The following ZNF423 variants were observed in gnomAD, a reference collection of about 807,000 sequenced individuals.
ZNF423 encodes the protein Ebf-associated zinc finger protein.
ZNF423 carries 12 observed loss-of-function variants against 95.8 expected under a neutral mutation model. That is an observed-to-expected ratio of 0.13 (90% CI 0.08 to 0.20). The LOEUF (loss-of-function observed/expected upper bound fraction) is 0.20. ZNF423 is among the 10% of genes least tolerant of loss of function. The pLI, the probability that ZNF423 is intolerant of heterozygous loss-of-function variation, is 1.00. For missense variants in ZNF423, 1,316 were observed against 1,737.1 expected (o/e 0.76, Z 4.31); for synonymous variants, 749 against 711.9 (o/e 1.05, Z -0.83).
intron 1 of ZNF423, among the ~76,000 whole-genome samples, chr16:49,806,506 C>T (rs2034665758): frequency 6.6e-6 from 1 of 152,216 alleles, no homozygotes; most frequent in Admixed American, 6.5e-5. Flanking sequence ...CCCTTAACAG[C>T]TTGTCCTCTG....
intron 5 of ZNF423, among the ~76,000 whole-genome samples, chr16:49,544,404 C>T (rs896963899): frequency 5.9e-5 from 9 of 152,148 alleles, no homozygotes; most frequent in Admixed American, 3.9e-4. Flanking sequence ...AAAACCCTCA[C>T]GTCTAATTAG....
intron 7 of ZNF423, among the ~76,000 whole-genome samples, chr16:49,516,642 A>C (rs1186869115): frequency 1.3e-5 from 2 of 152,354 alleles, no homozygotes; most frequent in East Asian, 3.9e-4. Context: ...ACTTCTACCG[A>C]CAGGGACCTC....
intron 1 of ZNF423, among the ~76,000 whole-genome samples, chr16:49,832,423 G>A (rs752278913): frequency 1.3e-5 from 2 of 152,192 alleles, no homozygotes; most frequent in African/African-American, 2.4e-5. Context: ...GTGTGACCTC[G>A]CAAAGCGACT....
intron 1 of ZNF423, among the ~76,000 whole-genome samples, chr16:49,810,079 T>C (rs886142325): frequency 2.0e-5 from 3 of 152,060 alleles, no homozygotes; most frequent in Non-Finnish European, 2.9e-5. Flanking sequence ...GAAGGCTTGG[T>C]CCACCCTTGG....
At chr16:49,811,541 G>C (rs1394404585) in intron 1 of ZNF423, among the ~76,000 whole-genome samples, 6 of 152,136 alleles carry the variant, frequency 3.9e-5, no homozygotes, top group Non-Finnish European at 8.8e-5. Flanking sequence ...TTTTAAGACA[G>C]GCTGACCAAA....
chr16:49,763,461 C>T (rs1220686187), intron 2 of ZNF423, among the ~76,000 whole-genome samples: 1 of 151,986 alleles, frequency 6.6e-6, no homozygotes, highest in Non-Finnish European at 1.5e-5. Flanking sequence ...TTTTTCTAGA[C>T]ATGGGGTTTT....
At chr16:49,677,243 GAAGAT>G (rs1257003004) in intron 3 of ZNF423, among the ~76,000 whole-genome samples, 1,749 of 18,970 alleles carry the variant, frequency 0.092, 747 homozygotes, top group South Asian at 0.17. Context: ...GAAGAGAAGA[GAAGAT>G]AAGAGAAGAG....
intron 3 of ZNF423, among the ~76,000 whole-genome samples, chr16:49,712,073 C>T (rs1391287421): frequency 6.6e-6 from 1 of 152,188 alleles, no homozygotes; most frequent in Non-Finnish European, 1.5e-5. Context: ...GCTATGTTCA[C>T]ACCACTGTAC....
chr16:49,584,619 GCTA>G (rs1372246341), intron 5 of ZNF423, among the ~76,000 whole-genome samples: 6 of 152,112 alleles, frequency 3.9e-5, no homozygotes, highest in Non-Finnish European at 7.4e-5. Flanking sequence ...TGTCAACAGA[GCTA>G]GCTTCCTCTG....
Position 49,638,822 on chromosome 16 carries a change from C to G in ZNF423, c.354G>C (p.Lys118Asn). ...LSWVASSPSS[K>N]DVASPTQMIG... Reference sequence around the variant, plus strand: ...TCATCTGCGTGGGTGACGCAACATCCTTGCTGGAGGGAGACGAGGCCACCC... The same window carrying G: ...TCATCTGCGTGGGTGACGCAACATCGTTGCTGGAGGGAGACGAGGCCACCC... Residue 118 changes from lysine to asparagine, a missense_variant, in exon 4 of 8, where the codon AAG becomes AAC. Lys to Asn is a moderately conservative substitution (Grantham distance 94). Around this residue, in one of 6 missense-constraint regions of ZNF423, gnomAD observed 155 missense variants for 170.8 expected, o/e 0.91. Coordinates refer to ENST00000563137, the MANE Select transcript of ZNF423 (RefSeq NM_001379286.1). This position sits in a 1 kb window ranked among gnomAD's most constrained non-coding sequence, Gnocchi z 5.6. 2 of 1,613,664 alleles carry G rather than the reference C, an allele frequency of 1.2e-6. No individual in the cohort carries two copies. Among genetic ancestry groups the G allele is most frequent in the Non-Finnish European group, 1.7e-6 (2 of 1,179,698 alleles).
rs866183498 is a variant in ZNF423 at position 49,805,632 on chromosome 16, C to A, written c.41-16086G>T. ...GCCAGGCAGGTAAGGGTTGAAATGA[C>A]TCCTTTTTTCTGAACCCTCCAGTGA... On this transcript the variant is annotated intron_variant, in intron 1 of 7. Transcript: ENST00000563137. Among the ~76,000 whole-genome samples the A allele has an allele frequency of 2.6e-5, 4 of 152,274 alleles. No individual in the cohort carries two copies. The South Asian group carries it at 8.3e-4, about 32-fold the overall frequency.
At chr16:49,707,396 C>G (rs1008198419) in intron 3 of ZNF423, among the ~76,000 whole-genome samples, 17 of 152,112 alleles carry the variant, frequency 1.1e-4, no homozygotes, top group Non-Finnish European at 2.4e-4. Flanking sequence ...GGTGGATCAC[C>G]TGAGGTCAGA....
intron 5 of ZNF423, among the ~76,000 whole-genome samples, chr16:49,534,462 A>G (rs1968985530): frequency 6.6e-6 from 1 of 152,170 alleles, no homozygotes; most frequent in Non-Finnish European, 1.5e-5. Context: ...CATGTTGGTC[A>G]GGCTGGTCTC....
intron 3 of ZNF423, among the ~76,000 whole-genome samples, chr16:49,700,215 A>AAAAAAAAAAAAAGAAG (rs1555473664): frequency 7.3e-6 from 1 of 136,110 alleles, no homozygotes; most frequent in Non-Finnish European, 1.5e-5. Context: ...AAAAAAAAAA[A>AAAAAAAAAAAAAGAAG]AACAAGAAGA....
intron 7 of ZNF423, among the ~76,000 whole-genome samples, chr16:49,502,236 C>G (rs1187724364): frequency 1.3e-5 from 2 of 152,086 alleles, no homozygotes; most frequent in African/African-American, 4.8e-5. Context: ...AGCAGATGGC[C>G]CAACATTAGT....
At chr16:49,500,499 G>A (rs1008361017) in intron 7 of ZNF423, among the ~76,000 whole-genome samples, 3 of 152,154 alleles carry the variant, frequency 2.0e-5, no homozygotes, top group Admixed American at 2.0e-4. Context: ...CCCTAAAAGA[G>A]CCTGAATCAG....
At chr16:49,612,993 T>G (rs1971773978) in intron 5 of ZNF423, among the ~76,000 whole-genome samples, 1 of 148,554 alleles carries the variant, frequency 6.7e-6, no homozygotes, top group African/African-American at 2.5e-5. Context: ...GTTGAAAACT[T>G]TAAAAAAAAA....
chr16:49,828,590 G>A (rs2035029973), intron 1 of ZNF423, among the ~76,000 whole-genome samples: 2 of 152,224 alleles, frequency 1.3e-5, no homozygotes, highest in Admixed American at 1.3e-4. Context: ...TCCACTTTGA[G>A]GGACTTGGGG....
rs535161133 is a variant in ZNF423, at chr16:49,684,313, C to T, written c.302-45439G>A. ...ACAACTAACTGTGTTGTCTGAGATT[C>T]ATCCATTGAATTCTCAGGTTGTAAG... On this transcript the variant is annotated intron_variant, in intron 3 of 7. Coordinates refer to ENST00000563137, the MANE Select transcript of ZNF423 (RefSeq NM_001379286.1). Among the ~76,000 whole-genome samples the T allele has an allele frequency of 3.9e-5, 6 of 152,322 alleles. 1 individual carries two copies. The highest frequency in any genetic ancestry group is 1.4e-4 in the African/African-American group (6 of 41,574).
Sources: allele counts gnomAD v4.1 joint callset (sites outside exome capture counted in the v4.1 genomes callset), GRCh38; gene constraint gnomAD v4.1.1; regional missense constraint gnomAD v4.1.1; non-coding constraint Gnocchi (gnomAD v3.1); transcripts MANE v1.5; gene names NCBI Gene and HGNC (gene_info 2026-07-23, HGNC 2026-07-21).